The following LARGE2 variants were observed in gnomAD, a reference collection of about 807,000 sequenced individuals.
LARGE2 encodes the protein xylosyl- and glucuronyltransferase LARGE2.
LARGE2 carries 63 observed loss-of-function variants against 75.3 expected under a neutral mutation model. That is an observed-to-expected ratio of 0.84 (90% CI 0.68 to 1.03). The LOEUF (loss-of-function observed/expected upper bound fraction) is 1.03. LARGE2 is among the 50% of genes least tolerant of loss of function. LARGE2 has a pLI of 0.00. For synonymous variants in LARGE2, 428 were observed against 420.1 expected (o/e 1.02, Z -0.23); for missense variants, 925 against 980.6 (o/e 0.94, Z 0.76).
In LARGE2 at chr11:45,928,781, ATGGGGC is replaced by A; in HGVS notation, c.2105_2110del (p.Gly702_Ala703del). The A allele has an allele frequency of 6.2e-7, 1 of 1,613,896 alleles. No individual in the cohort carries two copies. Among genetic ancestry groups the A allele is most frequent in the Middle Eastern group, 1.6e-4 (1 of 6,062 alleles). On this transcript the variant is annotated inframe_deletion, in exon 14 of 14. Coordinates refer to ENST00000401752, the MANE Select transcript of LARGE2 (RefSeq NM_001300721.2). ...TTCCACCAGGACTTGTCCCGCCACC[ATGGGGC>A]TGCTGCCCTCAAATACCTCCCAGCC...
In LARGE2 at chr11:45,928,217, G is replaced by A. The variant is rs1168263306; in HGVS notation, c.1795G>A (p.Ala599Thr). Residue 599 changes from alanine (A) to threonine (T), a missense_variant, in exon 13 of 14, where the codon GCC (alanine) becomes ACC (threonine). By Grantham distance (58) the Ala-to-Thr change is moderately conservative. Transcript: ENST00000401752. ...CCGAGGCCACGCACCCACAGACTAT[G>A]CCCGCTGGCGGGAGGCTCAGGCCCC... ...WPRGHAPTDYARWREAQAPYR... is the reference protein window; with the variant it reads ...WPRGHAPTDYTRWREAQAPYR... 3.1e-6 allele frequency: 5 copies of A among 1,613,866 alleles called. No homozygotes were observed. The highest frequency in any genetic ancestry group is 4.2e-6 in the Non-Finnish European group (5 of 1,180,028).
chr11:45,927,501 TCGCAA>T lies in LARGE2; in HGVS notation c.1515_1519del (p.Asn506GlyfsTer14). The T allele has an allele frequency of 6.2e-7, 1 of 1,614,208 alleles. No individual in the cohort carries two copies. The highest frequency in any genetic ancestry group is 8.5e-7 in the Non-Finnish European group (1 of 1,180,024). On this transcript the variant is annotated frameshift_variant, in exon 11 of 14. Transcript: ENST00000401752. LOFTEE classifies it high-confidence loss of function. ...GGCCCCTATACCCCGTCAACCAGCT[TCGCAA>T]CGTGGCCTTGGCCCAGGCCCTCACG...
chr11:45,922,899 G>T lies in LARGE2; in HGVS notation c.17G>T (p.Arg6Leu). 7.9e-7 allele frequency: 1 copy of T among 1,270,266 alleles called. No individual in the cohort carries two copies. Among genetic ancestry groups the T allele is most frequent in the Non-Finnish European group, 9.9e-7 (1 of 1,012,682 alleles). 78.7% of individuals were successfully genotyped at this position (1,270,266 alleles called of 1,614,324 possible). A position where few individuals can be genotyped will look rare whatever the true frequency, so the allele number is the denominator to read the frequency against. The stretch of plus-strand genomic sequence containing the variant: ...TCGGCGGCCATGCTGCCCCGAGGGC[G>T]CCCCCGGGCGCTGGGGGCCGCCGCG... MLPRG[R>L]PRALGAAALL... The change falls in exon 2 of 14, where the codon CGC becomes CTC. Residue 6 changes from arginine to leucine, a missense_variant. Coordinates refer to ENST00000401752, the MANE Select transcript of LARGE2 (RefSeq NM_001300721.2).
rs757548298 is a variant in LARGE2 at position 45,928,420 on chromosome 11, G to A, written c.1950+48G>A. ...TCCACCTTTGACTCGAGCACCTCCA[G>A]GTCCAGGGAACTCACGACACCTGCA... On this transcript the variant is annotated intron_variant, in intron 13 of 13. Transcript: ENST00000401752. 6 of 1,592,712 alleles carry A rather than the reference G, an allele frequency of 3.8e-6. No individual in the cohort carries two copies. The South Asian group carries it at 5.6e-5, about 15-fold the overall frequency.
At chr11:45,923,898 A>G (rs1006793383) in intron 3 of LARGE2, among the ~76,000 whole-genome samples, 1 of 144,018 alleles carries the variant, frequency 6.9e-6, no homozygotes, top group Non-Finnish European at 1.5e-5. Context: ...AGGCAGGAGA[A>G]TGGCGTGAAC....
Position 45,923,391 on chromosome 11 carries a change from T to G in LARGE2, c.286-82T>G. On this transcript the variant is annotated intron_variant, in intron 2 of 13. Coordinates refer to ENST00000401752, the MANE Select transcript of LARGE2 (RefSeq NM_001300721.2). ...CTCCGCACACTGTTCCGGGCTCTGC[T>G]GCGGGGTGGGGCAGCTCAACATGGG... is the stretch of plus-strand genomic sequence containing the variant. 7 of 1,396,950 alleles carry G rather than the reference T, an allele frequency of 5.0e-6. No homozygotes were observed. In the South Asian group the frequency reaches 8.2e-5, roughly 16 times the overall value. 86.5% of individuals were successfully genotyped at this position (1,396,950 alleles called of 1,614,324 possible).
intron 6 of LARGE2, 73 bp from the exon 7 acceptor site, chr11:45,925,966 C>T (rs1173255858): frequency 2.3e-6 from 3 of 1,283,428 alleles, no homozygotes; most frequent in Non-Finnish European, 3.3e-6. Context: ...AAACAAAGGA[C>T]ACCTTCATGA....
In LARGE2 at chr11:45,927,415, G is replaced by C. The variant is rs371452940; in HGVS notation, c.1426G>C (p.Glu476Gln). The C allele has an allele frequency of 2.5e-6, 4 of 1,614,072 alleles. No homozygotes were observed. The African/African-American group carries it at 5.3e-5, about 22-fold the overall frequency. Residue 476 changes from glutamate to glutamine, a missense_variant, in exon 11 of 14, where the codon GAG becomes CAG. Glu to Gln is a conservative substitution (Grantham distance 29). Around this residue, in one of 3 missense-constraint regions of LARGE2, gnomAD observed 469 missense variants for 503.8 expected, o/e 0.93. Coordinates refer to ENST00000401752, the MANE Select transcript of LARGE2 (RefSeq NM_001300721.2). ...AEAQQFLHFV[E>Q]ASPVLAARQD... ...AGCTCAGCAGTTCCTGCATTTCGTC[G>C]AGGCCTCACCAGTGCTTGCTGCCCG...
chr11:45,923,836 A>G (rs1271298982), intron 3 of LARGE2, among the ~76,000 whole-genome samples: 5 of 151,054 alleles, frequency 3.3e-5, no homozygotes, highest in Admixed American at 2.0e-4. Context: ...AATACAAAAA[A>G]TTAGCCGGGC....
chr11:45,927,927 A>C lies in LARGE2; in HGVS notation c.1612A>C (p.Ile538Leu), dbSNP rs779845659. ...YSLYDYLRASIEQLGLGSRRK... is the reference protein window; with the variant it reads ...YSLYDYLRASLEQLGLGSRRK... ...ATGGGTGCTCCTCCTCAGGGCCTCCATTGAGCAGCTGGGGCTGGGCAGCCG... is the reference window on the plus strand; with the variant it reads ...ATGGGTGCTCCTCCTCAGGGCCTCCCTTGAGCAGCTGGGGCTGGGCAGCCG... The change falls in exon 12 of 14, where the codon ATT becomes CTT. Residue 538 changes from isoleucine (I) to leucine (L), a missense_variant. Ile to Leu is a conservative substitution (Grantham distance 5, BLOSUM62 2). This residue lies in a region of LARGE2 where 469 missense variants were observed against 503.8 expected (regional missense o/e 0.93). Coordinates refer to ENST00000401752, the MANE Select transcript of LARGE2 (RefSeq NM_001300721.2). 4 of 1,613,178 alleles carry C rather than the reference A, an allele frequency of 2.5e-6. No homozygotes were observed. Among genetic ancestry groups the C allele is most frequent in the Non-Finnish European group, 3.4e-6 (4 of 1,179,796 alleles).
chr11:45,926,399 C>T (rs776152120), intron 8 of LARGE2, 43 bp from the exon 9 acceptor site: 1 of 1,613,658 alleles, frequency 6.2e-7, no homozygotes, highest in Non-Finnish European at 8.5e-7. Flanking sequence ...ATGGAGACTT[C>T]TGCTCCCTGC....
At chr11:45,925,466 G>A (rs1029851116) in intron 6 of LARGE2, among the ~76,000 whole-genome samples, 8 of 152,086 alleles carry the variant, frequency 5.3e-5, no homozygotes, top group South Asian at 2.1e-4. Context: ...GACCAACCTG[G>A]CCAACATGGT....
At chr11:45,928,470 A>G (rs1179824713) in intron 13 of LARGE2, 98 bp downstream of exon 13, 2 of 1,529,248 alleles carry the variant, frequency 1.3e-6, no homozygotes, top group Non-Finnish European at 1.8e-6. Flanking sequence ...ACTAGGCAAC[A>G]CTGTTAGAAA....
chr11:45,923,280 C>A (rs1407645637), intron 2 of LARGE2, 113 bp downstream of exon 2: 1 of 1,228,440 alleles, frequency 8.1e-7, no homozygotes. Flanking sequence ...ACTGGCCAGC[C>A]GGCTGGGGCG....
At position 45,928,292 on chromosome 11, in the gene LARGE2, C is replaced by A; in HGVS notation, c.1870C>A (p.Arg624=). ...CTATGAACCCTACGTGGTGGTGCCA[C>A]GAGACTGTCCCCGCTATGATCCTCG... is the stretch of plus-strand genomic sequence containing the variant. ...ANYEPYVVVP[R]DCPRYDPRFV... is the part of the protein sequence containing the mutation. The change falls in exon 13 of 14, where the codon CGA becomes AGA. Residue 624 remains arginine, a synonymous_variant. Coordinates refer to ENST00000401752, the MANE Select transcript of LARGE2 (RefSeq NM_001300721.2). 6.2e-7 allele frequency: 1 copy of A among 1,614,132 alleles called. No individual in the cohort carries two copies. The highest frequency in any genetic ancestry group is 1.3e-5 in the African/African-American group (1 of 75,060).
At position 45,928,374 on chromosome 11, in the gene LARGE2, T is replaced by G; in HGVS notation, c.1950+2T>G. 6.2e-7 allele frequency: 1 copy of G among 1,612,442 alleles called. No homozygotes were observed. The highest frequency in any genetic ancestry group is 1.3e-5 in the African/African-American group (1 of 75,012). ...CACATTGTGGAGCTGGATGCCCAGG[T>G]GAGGAGGGCACCTTGCTGCCTCCAC... On this transcript the variant is annotated splice_donor_variant, in intron 13 of 13. Coordinates refer to ENST00000401752, the MANE Select transcript of LARGE2 (RefSeq NM_001300721.2). LOFTEE classifies it high-confidence loss of function.
In LARGE2 at chr11:45,927,921, G is replaced by C. The variant is rs758258948; in HGVS notation, c.1606G>C (p.Ala536Pro). 2 of 1,612,904 alleles carry C rather than the reference G, an allele frequency of 1.2e-6. No homozygotes were observed. Among genetic ancestry groups the C allele is most frequent in the Non-Finnish European group, 1.7e-6 (2 of 1,179,650 alleles). ...CTGCTCATGGGTGCTCCTCCTCAGG[G>C]CCTCCATTGAGCAGCTGGGGCTGGG... ...PAYSLYDYLR[A>P]SIEQLGLGSR... The change falls in exon 12 of 14, where the codon GCC becomes CCC. Residue 536 changes from alanine (A) to proline (P), a missense_variant and splice_region_variant. By Grantham distance (27) the Ala-to-Pro change is conservative (BLOSUM62 -1). Coordinates refer to ENST00000401752, the MANE Select transcript of LARGE2 (RefSeq NM_001300721.2).
intron 7 of LARGE2, 31 bp from the exon 8 acceptor site, chr11:45,926,184 AGGCTGGG>A: frequency 1.2e-6 from 2 of 1,610,206 alleles, no homozygotes; most frequent in South Asian, 2.2e-5. Context: ...GGGGTGTGGC[AGGCTGGG>A]GGCTGGGATG....
In LARGE2 at chr11:45,927,440, G is replaced by T; in HGVS notation, c.1451G>T (p.Arg484Leu). ...FVEASPVLAA[R>L]QDVAYHVVYR... ...GAGGCCTCACCAGTGCTTGCTGCCC[G>T]GCAGGACGTGGCCTACCATGTGGTG... The change falls in exon 11 of 14, where the codon CGG becomes CTG. Residue 484 changes from arginine (R) to leucine (L), a missense_variant. This residue lies in a region of LARGE2 where 469 missense variants were observed against 503.8 expected (regional missense o/e 0.93). Transcript: ENST00000401752. The T allele has an allele frequency of 6.2e-7, 1 of 1,614,208 alleles. No individual in the cohort carries two copies. The highest frequency in any genetic ancestry group is 2.2e-5 in the East Asian group (1 of 44,888).
Sources: allele counts gnomAD v4.1 joint callset (sites outside exome capture counted in the v4.1 genomes callset), GRCh38; gene constraint gnomAD v4.1.1; regional missense constraint gnomAD v4.1.1; transcripts MANE v1.5; gene names NCBI Gene and HGNC (gene_info 2026-07-23, HGNC 2026-07-21).